The following ZNF804B variants were observed in gnomAD, a reference collection of about 807,000 sequenced individuals.
ZNF804B encodes zinc finger 804B.
Under a neutral mutation model 101.4 loss-of-function variants are expected in ZNF804B, and 80 were observed. That is an observed-to-expected ratio of 0.79 (90% CI 0.66 to 0.95). ZNF804B has a LOEUF of 0.95. Ranked by LOEUF, ZNF804B falls within the 40% of genes least tolerant of loss-of-function variation. The probability of loss-of-function intolerance (pLI) is 0.00; values close to 1 mark genes in which losing one functional copy is unlikely to be tolerated. For synonymous variants in ZNF804B, 622 were observed against 558.8 expected (o/e 1.11, Z -1.59); for missense variants, 1,673 against 1,561.9 (o/e 1.07, Z -1.20).
intron 1 of ZNF804B, among the ~76,000 whole-genome samples, chr7:89,183,545 G>T (rs1788331410): frequency 6.6e-6 from 1 of 152,132 alleles, no homozygotes; most frequent in Non-Finnish European, 1.5e-5. Flanking sequence ...AAATGCTGTA[G>T]ATTTCTTTCC....
intron 1 of ZNF804B, among the ~76,000 whole-genome samples, chr7:89,155,111 G>A (rs957718813): frequency 4.6e-5 from 7 of 151,914 alleles, no homozygotes; most frequent in African/African-American, 1.2e-4. Flanking sequence ...TAGAGTCACC[G>A]GCTCCACCCT....
chr7:89,003,535 T>C (rs1788321764), intron 1 of ZNF804B, among the ~76,000 whole-genome samples: 1 of 151,966 alleles, frequency 6.6e-6, no homozygotes. Context: ...AACCAGAATA[T>C]AGAATTACTT....
chr7:89,077,927 C>T (rs1442721538), intron 1 of ZNF804B, among the ~76,000 whole-genome samples: 1 of 151,994 alleles, frequency 6.6e-6, no homozygotes. Context: ...TTATTGTGCT[C>T]ACTCTTATTC....
chr7:88,788,261 C>G (rs544616037), intron 1 of ZNF804B, among the ~76,000 whole-genome samples: 1 of 152,060 alleles, frequency 6.6e-6, no homozygotes, highest in African/African-American at 2.4e-5. Flanking sequence ...CTAATCATGG[C>G]AACAAGGCCC....
chr7:89,303,504 T>C (rs1157506769), intron 2 of ZNF804B, among the ~76,000 whole-genome samples: 1 of 151,908 alleles, frequency 6.6e-6, no homozygotes, highest in Non-Finnish European at 1.5e-5. Context: ...GGACCTCAAA[T>C]AAATTCTGTA....
At chr7:88,793,355 T>TTAA (rs1248492853) in intron 1 of ZNF804B, among the ~76,000 whole-genome samples, 4 of 152,148 alleles carry the variant, frequency 2.6e-5, no homozygotes, top group South Asian at 4.1e-4. Flanking sequence ...GAAGTAAGTG[T>TTAA]TAATAGTGGG....
chr7:89,197,807 T>C lies in ZNF804B; in HGVS notation c.109-20348T>C, dbSNP rs1388283210. ...TTCGTTATATAGAGTTAAAGATATC[T>C]TTAGTTAAAGATAGTTGACATTTTT... On this transcript the variant is annotated intron_variant, in intron 1 of 3. Coordinates refer to ENST00000333190, the MANE Select transcript of ZNF804B (RefSeq NM_181646.5). 3.3e-5 allele frequency among the ~76,000 whole-genome samples: 5 copies of C among 152,048 alleles called. No individual in the cohort carries two copies. In the East Asian group the frequency reaches 9.7e-4, roughly 29 times the overall value.
chr7:89,248,796 T>C (rs1481906989), intron 2 of ZNF804B, among the ~76,000 whole-genome samples: 1 of 152,092 alleles, frequency 6.6e-6, no homozygotes, highest in African/African-American at 2.4e-5. Flanking sequence ...ATATTAATCT[T>C]GAATGTAGGC....
At chr7:89,155,993 T>C (rs1790955117) in intron 1 of ZNF804B, among the ~76,000 whole-genome samples, 1 of 92,298 alleles carries the variant, frequency 1.1e-5, no homozygotes, top group African/African-American at 3.3e-5. Context: ...CTTCCTTTCC[T>C]TCTTTCTTTC....
At chr7:88,854,533 T>TTCCTTTCCTTCCCTTC (rs796987599) in intron 1 of ZNF804B, among the ~76,000 whole-genome samples, 9 of 78,190 alleles carry the variant, frequency 1.2e-4, no homozygotes, top group South Asian at 1.2e-3. Flanking sequence ...TTCCTTTCCT[T>TTCCTTTCCTTCCCTTC]CCTTCCTTCC....
chr7:88,822,047 C>G (rs902014691), intron 1 of ZNF804B, among the ~76,000 whole-genome samples: 6 of 152,120 alleles, frequency 3.9e-5, no homozygotes, highest in African/African-American at 1.4e-4. Context: ...TCATTGACTC[C>G]TGTACAAATT....
intron 1 of ZNF804B, among the ~76,000 whole-genome samples, chr7:89,114,416 A>C (rs1045361281): frequency 6.6e-6 from 1 of 152,228 alleles, no homozygotes; most frequent in African/African-American, 2.4e-5. Flanking sequence ...CTTTGTCATT[A>C]CTGAGAATAA....
At chr7:88,990,928 A>G (rs77376677) in intron 1 of ZNF804B, among the ~76,000 whole-genome samples, 3,445 of 152,166 alleles carry the variant, frequency 0.023, 134 homozygotes, top group African/African-American at 0.078. Context: ...TTCTTTTTTA[A>G]CATTTTGTTC....
chr7:89,336,250 G>A lies in ZNF804B; in HGVS notation c.3268G>A (p.Glu1090Lys). 6.2e-7 allele frequency: 1 copy of A among 1,613,812 alleles called. No individual in the cohort carries two copies. Among genetic ancestry groups the A allele is most frequent in the South Asian group, 1.1e-5 (1 of 91,076 alleles). ...NKYTGVTDST[E>K]TQEDQINLDL... ...ATATACTGGTGTGACTGATTCAACA[G>A]AGACCCAAGAAGACCAAATAAATCT... The change falls in exon 4 of 4, where the codon GAG (glutamate) becomes AAG (lysine). Residue 1090 changes from glutamate to lysine, a missense_variant. Transcript: ENST00000333190.
In ZNF804B at chr7:89,054,661, A is replaced by T. The variant is rs144837440; in HGVS notation, c.109-163494A>T. 3.3e-5 allele frequency among the ~76,000 whole-genome samples: 5 copies of T among 152,142 alleles called. No homozygotes were observed. The East Asian group carries it at 9.7e-4, about 29-fold the overall frequency. On this transcript the variant is annotated intron_variant, in intron 1 of 3. Coordinates refer to ENST00000333190, the MANE Select transcript of ZNF804B (RefSeq NM_181646.5). ...TAGGAAAAAACAACTCTATTTTTCCAGATGTCCCAGTCTTTCAACTGACAT... is the reference window on the plus strand; with the variant it reads ...TAGGAAAAAACAACTCTATTTTTCCTGATGTCCCAGTCTTTCAACTGACAT...
At chr7:89,043,108 G>A (rs1476431337) in intron 1 of ZNF804B, among the ~76,000 whole-genome samples, 1 of 152,178 alleles carries the variant, frequency 6.6e-6, no homozygotes, top group Non-Finnish European at 1.5e-5. Context: ...TCACAATGCT[G>A]AAAGCAGAAA....
At chr7:89,305,724 A>G (rs1584115858) in intron 2 of ZNF804B, among the ~76,000 whole-genome samples, 3 of 151,990 alleles carry the variant, frequency 2.0e-5, no homozygotes, top group African/African-American at 7.2e-5. Context: ...TCTTCAGCAG[A>G]TTATTTTGTA....
intron 1 of ZNF804B, among the ~76,000 whole-genome samples, chr7:88,804,800 A>G (rs555424801): frequency 6.6e-6 from 1 of 152,204 alleles, no homozygotes; most frequent in South Asian, 2.1e-4. Flanking sequence ...GTCACATGGA[A>G]TGGAGAAAAT....
At chr7:89,116,128 G>C (rs1318369315) in intron 1 of ZNF804B, among the ~76,000 whole-genome samples, 1 of 150,740 alleles carries the variant, frequency 6.6e-6, no homozygotes, top group Non-Finnish European at 1.5e-5. Context: ...TCCCCAAGCT[G>C]GTCTTGAACT....
Sources: allele counts gnomAD v4.1 joint callset (sites outside exome capture counted in the v4.1 genomes callset), GRCh38; gene constraint gnomAD v4.1.1; transcripts MANE v1.5; gene names NCBI Gene and HGNC (gene_info 2026-07-23, HGNC 2026-07-21).